CACNA2D3: variants seen among roughly 807,000 people sequenced by gnomAD.
CACNA2D3 encodes calcium voltage-gated channel auxiliary subunit alpha2delta 3.
In CACNA2D3, 60 loss-of-function variants were observed where a neutral mutation model predicts 160.6. The ratio of observed to expected loss-of-function variants is 0.37; its 90% CI spans 0.30 to 0.46. CACNA2D3 has a LOEUF of 0.46. CACNA2D3 is among the 20% of genes least tolerant of loss of function. The pLI, the probability that CACNA2D3 is intolerant of heterozygous loss-of-function variation, is 1.00. For synonymous variants in CACNA2D3, 558 were observed against 492.9 expected (o/e 1.13, Z -1.75); for missense variants, 1,205 against 1,365.0 (o/e 0.88, Z 1.85).
intron 2 of CACNA2D3, among the ~76,000 whole-genome samples, chr3:54,230,863 A>C (rs1381725471): frequency 6.6e-6 from 1 of 152,242 alleles, no homozygotes; most frequent in African/African-American, 2.4e-5. Flanking sequence ...TTTGCTGCTT[A>C]ATAGGACAAA....
chr3:54,629,969 T>C (rs562593692), intron 10 of CACNA2D3, among the ~76,000 whole-genome samples: 20 of 152,200 alleles, frequency 1.3e-4, no homozygotes, highest in African/African-American at 4.8e-4. Flanking sequence ...GTAAGGCAGA[T>C]TGGGGCTGAG....
At chr3:55,063,453 T>C (rs1402348730) in intron 35 of CACNA2D3, among the ~76,000 whole-genome samples, 2 of 150,896 alleles carry the variant, frequency 1.3e-5, no homozygotes, top group Non-Finnish European at 2.9e-5. Context: ...ATGTTAGGCA[T>C]GGCCATCAGT....
intron 28 of CACNA2D3, among the ~76,000 whole-genome samples, 177 bp downstream of exon 28, chr3:54,968,688 AC>A (rs1575413775): frequency 6.6e-6 from 1 of 152,194 alleles, no homozygotes; most frequent in East Asian, 1.9e-4. Flanking sequence ...AGCATGTTAG[AC>A]ACCACATGCT....
At chr3:54,541,134 G>T (rs575579015) in intron 5 of CACNA2D3, among the ~76,000 whole-genome samples, 1 of 151,846 alleles carries the variant, frequency 6.6e-6, no homozygotes, top group Middle Eastern at 3.4e-3. Context: ...AAAATTAGCC[G>T]GGCGTGGTGG....
chr3:55,012,496 A>C (rs1196405412), intron 34 of CACNA2D3, among the ~76,000 whole-genome samples: 2 of 151,902 alleles, frequency 1.3e-5, no homozygotes, highest in South Asian at 2.1e-4. Context: ...CTTCTTTGTG[A>C]CCTGCCACCA....
chr3:54,372,061 G>A (rs780358057), intron 3 of CACNA2D3, among the ~76,000 whole-genome samples: 27 of 152,186 alleles, frequency 1.8e-4, no homozygotes, highest in Non-Finnish European at 3.2e-4. Context: ...ACCTAGGGTA[G>A]CATGCCTGGC....
At chr3:54,873,902 G>A (rs1034687441) in intron 18 of CACNA2D3, among the ~76,000 whole-genome samples, 2 of 152,218 alleles carry the variant, frequency 1.3e-5, no homozygotes, top group Non-Finnish European at 2.9e-5. Context: ...AAGCATCATT[G>A]TGAAGTCTGC....
intron 11 of CACNA2D3, among the ~76,000 whole-genome samples, chr3:54,740,993 G>T (rs949733246): frequency 2.6e-5 from 4 of 152,140 alleles, no homozygotes; most frequent in African/African-American, 9.7e-5. Context: ...CTTACTGTGG[G>T]GCTTTGGCCC....
At chr3:54,957,441 ACCC>A (rs201554197) in intron 27 of CACNA2D3, among the ~76,000 whole-genome samples, 1,857 of 152,256 alleles carry the variant, frequency 0.012, 36 homozygotes, top group African/African-American at 0.042. Context: ...GAGCCACCAC[ACCC>A]AACCATAAAA....
chr3:54,714,835 A>G (rs1701022072), intron 11 of CACNA2D3, among the ~76,000 whole-genome samples: 1 of 152,234 alleles, frequency 6.6e-6, no homozygotes, highest in Non-Finnish European at 1.5e-5. Flanking sequence ...AGTGTCCATC[A>G]ACATGTGGAT....
At chr3:54,286,470 GA>G (rs1465777939) in intron 2 of CACNA2D3, among the ~76,000 whole-genome samples, 1 of 152,248 alleles carries the variant, frequency 6.6e-6, no homozygotes, top group Non-Finnish European at 1.5e-5. Flanking sequence ...ACCTGATAGT[GA>G]TGGGGAGAAT....
intron 14 of CACNA2D3, among the ~76,000 whole-genome samples, chr3:54,820,073 A>G (rs1349277672): frequency 6.6e-6 from 1 of 152,092 alleles, no homozygotes; most frequent in Admixed American, 6.6e-5. Flanking sequence ...TTGTTGTTCC[A>G]GGGGTGAAAG....
rs1553874401 is a variant in CACNA2D3 at position 54,822,832 on chromosome 3, T to TTTCTTTCTTTCTTTC, written c.1398+5964_1398+5965insCTTTCTTTCTTTCTT. ...CTTTCTTTCTTTCTTTCTTTCTTTC[T>TTTCTTTCTTTCTTTC]TTTCTTTCTTTCTTTCTTTCTTTCT... On this transcript the variant is annotated intron_variant, in intron 14 of 37. Transcript: ENST00000474759. Among the ~76,000 whole-genome samples, 78 of 58,022 alleles carry TTTCTTTCTTTCTTTC rather than the reference T, an allele frequency of 1.3e-3. 6 individuals are homozygous for TTTCTTTCTTTCTTTC. The highest frequency in any genetic ancestry group is 5.1e-3 in the African/African-American group (59 of 11,500). 38.1% of individuals were successfully genotyped at this position (58,022 alleles called of 152,430 possible).
At chr3:54,234,506 G>T (rs929322636) in intron 2 of CACNA2D3, among the ~76,000 whole-genome samples, 1 of 152,158 alleles carries the variant, frequency 6.6e-6, no homozygotes, top group South Asian at 2.1e-4. Flanking sequence ...CCCATTTACT[G>T]AGTATATATC....
Position 54,320,534 on chromosome 3 carries a change from T to A in CACNA2D3, c.297T>A (p.Phe99Leu). The A allele has an allele frequency of 6.4e-7, 1 of 1,563,012 alleles. No homozygotes were observed. The highest frequency in any genetic ancestry group is 1.9e-5 in the Admixed American group (1 of 52,330). Residue 99 changes from phenylalanine to leucine, a missense_variant, in exon 3 of 38, where the codon TTT becomes TTA. This residue lies in a region of CACNA2D3 where 163 missense variants were observed against 161.3 expected (regional missense o/e 1.01). Coordinates refer to ENST00000474759, the MANE Select transcript of CACNA2D3 (RefSeq NM_018398.3). ...KKLAKNMEEM[F>L]HKKSEAVRRL... ...TGGCAAAGAACATGGAAGAGATGTT[T>A]CACAAGAAGTCTGAGGCCGTCAGGG... is the stretch of plus-strand genomic sequence containing the variant.
intron 27 of CACNA2D3, among the ~76,000 whole-genome samples, chr3:54,933,587 T>G (rs1181956566): frequency 1.3e-5 from 2 of 152,224 alleles, no homozygotes; most frequent in African/African-American, 4.8e-5. Context: ...GCATAGCTGT[T>G]GGAGATCATA....
At chr3:54,744,122 A>T (rs1575453299) in intron 11 of CACNA2D3, among the ~76,000 whole-genome samples, 2 of 152,272 alleles carry the variant, frequency 1.3e-5, no homozygotes, top group South Asian at 4.2e-4. Context: ...CTCTATGTAG[A>T]GGACTCACTT....
chr3:54,967,678 C>T (rs554033771), intron 27 of CACNA2D3, among the ~76,000 whole-genome samples: 1 of 152,224 alleles, frequency 6.6e-6, no homozygotes, highest in South Asian at 2.1e-4. Context: ...CATTTTACTT[C>T]CTGAGATGGT....
chr3:54,443,618 TC>T (rs1159329536), intron 4 of CACNA2D3, among the ~76,000 whole-genome samples: 1 of 152,154 alleles, frequency 6.6e-6, no homozygotes, highest in African/African-American at 2.4e-5. Context: ...AGCAGACAGA[TC>T]CTTGGCCGAC....
Sources: allele counts gnomAD v4.1 joint callset (sites outside exome capture counted in the v4.1 genomes callset), GRCh38; gene constraint gnomAD v4.1.1; regional missense constraint gnomAD v4.1.1; transcripts MANE v1.5; gene names NCBI Gene and HGNC (gene_info 2026-07-23, HGNC 2026-07-21).